COL8A1: variants seen among roughly 807,000 people sequenced by gnomAD.
COL8A1 encodes collagen alpha-1(VIII) chain.
Under a neutral mutation model 42.7 loss-of-function variants are expected in COL8A1, and 21 were observed. The ratio of observed to expected loss-of-function variants is 0.49; its 90% CI spans 0.35 to 0.71. COL8A1 has a LOEUF of 0.71. Among genes scored for constraint, COL8A1 ranks in the 30% least tolerant of loss-of-function variants. The pLI, the probability that COL8A1 is intolerant of heterozygous loss-of-function variation, is 0.01. For synonymous variants in COL8A1, 367 were observed against 369.1 expected, an observed-to-expected ratio of 0.99 and a Z score of 0.06; for missense variants, 788 against 962.4, an observed-to-expected ratio of 0.82 and a Z score of 2.40.
At chr3:99,721,599 A>G (rs1940158125) in intron 1 of COL8A1, among the ~76,000 whole-genome samples, 1 of 152,090 alleles carries the variant, frequency 6.6e-6, no homozygotes, top group Non-Finnish European at 1.5e-5. Context: ...GGCAGAAAAT[A>G]AAATGCTTAT....
rs540461183 is a variant in COL8A1 at position 99,708,332 on chromosome 3, A to C, written c.-128-36565A>C. On this transcript the variant is annotated intron_variant, in intron 1 of 3. Coordinates refer to ENST00000652472, the MANE Select transcript of COL8A1 (RefSeq NM_020351.4). Reference sequence around the variant, plus strand: ...ATGCCTCAAGACAGACTGTGGTCAGAGACATAACTCAGGGGGAGTGCCTGT... The same window carrying C: ...ATGCCTCAAGACAGACTGTGGTCAGCGACATAACTCAGGGGGAGTGCCTGT... Among the ~76,000 whole-genome samples, 144 of 152,290 alleles carry C rather than the reference A, an allele frequency of 9.5e-4. 2 individuals are homozygous for C. The highest frequency in any genetic ancestry group is 1.0e-3 in the South Asian group (5 of 4,816).
intron 2 of COL8A1, among the ~76,000 whole-genome samples, chr3:99,766,950 G>A (rs564416307): frequency 2.0e-5 from 3 of 147,820 alleles, no homozygotes; most frequent in Non-Finnish European, 3.0e-5. Flanking sequence ...ACTCTGTCTT[G>A]AAAAAAAAAA....
rs536793604 is a variant in COL8A1 at position 99,676,958 on chromosome 3, C to G, written c.-129+38294C>G. 2.0e-5 allele frequency among the ~76,000 whole-genome samples: 3 copies of G among 152,074 alleles called. No homozygotes were observed. In the East Asian group the frequency reaches 5.8e-4, roughly 29 times the overall value. On this transcript the variant is annotated intron_variant, in intron 1 of 3. Transcript: ENST00000652472. ...TTATGCTGGGTGCAGTGGCTTACAC[C>G]TGTAATGCCACCACTTTGGGAGGCC...
At chr3:99,782,659 T>G (rs1272814889) in intron 2 of COL8A1, among the ~76,000 whole-genome samples, 1 of 152,194 alleles carries the variant, frequency 6.6e-6, no homozygotes, top group Non-Finnish European at 1.5e-5. Context: ...CTCAAAGTGC[T>G]AGGATTACCA....
chr3:99,790,795 C>T lies in COL8A1; in HGVS notation c.113C>T (p.Pro38Leu), dbSNP rs1266270251. The T allele has an allele frequency of 1.2e-6, 2 of 1,614,210 alleles. No homozygotes were observed. Among genetic ancestry groups the T allele is most frequent in the Admixed American group, 3.3e-5 (2 of 60,030 alleles). ...GAYYGIKPLP[P>L]QIPPQMPPQI... is the part of the protein sequence containing the mutation. Reference sequence around the variant, plus strand: ...TACTATGGGATCAAGCCGCTGCCACCTCAAATTCCTCCTCAGATGCCACCA... The same window carrying T: ...TACTATGGGATCAAGCCGCTGCCACTTCAAATTCCTCCTCAGATGCCACCA... The change falls in exon 3 of 4, where the codon CCT becomes CTT. Residue 38 changes from proline to leucine, a missense_variant. Physicochemically the swap from Pro to Leu is moderately conservative, Grantham distance 98. This residue lies in a region of COL8A1 where 421 missense variants were observed against 553.1 expected (regional missense o/e 0.76). Transcript: ENST00000652472.
chr3:99,642,883 T>C (rs1357083507), intron 1 of COL8A1, among the ~76,000 whole-genome samples: 1 of 152,196 alleles, frequency 6.6e-6, no homozygotes, highest in African/African-American at 2.4e-5. Context: ...AAGAAAGTAA[T>C]TTAAAATTGC....
intron 2 of COL8A1, among the ~76,000 whole-genome samples, chr3:99,755,591 A>G (rs1168202407): frequency 1.3e-5 from 2 of 152,248 alleles, no homozygotes; most frequent in Non-Finnish European, 2.9e-5. Flanking sequence ...GGAAAGGGAT[A>G]GAGAATGATA....
chr3:99,656,031 G>T (rs1163324423), intron 1 of COL8A1, among the ~76,000 whole-genome samples: 2 of 152,200 alleles, frequency 1.3e-5, no homozygotes, highest in Non-Finnish European at 2.9e-5. Flanking sequence ...ATCTTTAAAA[G>T]AATCACTGAA....
intron 1 of COL8A1, among the ~76,000 whole-genome samples, chr3:99,702,520 T>C (rs139230696): frequency 6.6e-6 from 1 of 152,342 alleles, no homozygotes; most frequent in African/African-American, 2.4e-5. Context: ...TAAATCAACA[T>C]GTTTTTGACT....
At position 99,707,670 on chromosome 3, in the gene COL8A1, C is replaced by CG. The variant is rs1375942756; in HGVS notation, c.-128-37227_-128-37226insG. On this transcript the variant is annotated intron_variant, in intron 1 of 3. Transcript: ENST00000652472. ...GGCCCACGCCCTGCCGAACTTGGGG[C>CG]ACTTCCAGAGACAAAACTGCAGAAA... Among the ~76,000 whole-genome samples, 4 of 152,106 alleles carry CG rather than the reference C, an allele frequency of 2.6e-5. No homozygotes were observed. The East Asian group carries it at 7.7e-4, about 29-fold the overall frequency.
intron 2 of COL8A1, 76 bp from the exon 3 acceptor site, chr3:99,790,604 A>T (rs1264003647): frequency 6.6e-6 from 8 of 1,203,484 alleles, no homozygotes; most frequent in Admixed American, 2.4e-5. Flanking sequence ...TTTTTTCCCC[A>T]TTCTATCTCT....
chr3:99,741,820 G>GTGTATGAAC (rs1384138985), intron 1 of COL8A1, among the ~76,000 whole-genome samples: 14 of 152,200 alleles, frequency 9.2e-5, no homozygotes, highest in Non-Finnish European at 1.3e-4. Flanking sequence ...CTGCTCCACT[G>GTGTATGAAC]TGCTCAATTG....
chr3:99,721,923 T>A (rs1430930928), intron 1 of COL8A1, among the ~76,000 whole-genome samples: 2 of 151,900 alleles, frequency 1.3e-5, no homozygotes, highest in Non-Finnish European at 2.9e-5. Context: ...CTAACTGTGA[T>A]GTGCCCTTTT....
intron 1 of COL8A1, among the ~76,000 whole-genome samples, chr3:99,658,950 A>G (rs1015718795): frequency 6.6e-6 from 1 of 152,158 alleles, no homozygotes; most frequent in African/African-American, 2.4e-5. Flanking sequence ...CCACATCCCC[A>G]CTAGCTCTAC....
In COL8A1 at chr3:99,790,609, A is replaced by C. The variant is rs1339349899; in HGVS notation, c.-3-71A>C. ...TGTTTCCCTTTTTTTTCCCCATTCT[A>C]TCTCTAAATAAACTCAAGTCACTTG... On this transcript the variant is annotated intron_variant, in intron 2 of 3. Transcript: ENST00000652472. 4.0e-6 allele frequency: 5 copies of C among 1,257,224 alleles called. No individual in the cohort carries two copies. The Admixed American group carries it at 8.9e-5, about 22-fold the overall frequency. The allele number at this position is 1,257,224 out of a possible 1,614,324, so 77.9% of individuals were successfully genotyped here.
intron 1 of COL8A1, among the ~76,000 whole-genome samples, chr3:99,660,021 T>C (rs1004607464): frequency 2.0e-5 from 3 of 152,234 alleles, no homozygotes; most frequent in Non-Finnish European, 4.4e-5. Context: ...GCCAATAAAC[T>C]AGAAAAACTG....
chr3:99,654,199 G>A (rs996166375), intron 1 of COL8A1, among the ~76,000 whole-genome samples: 5 of 152,140 alleles, frequency 3.3e-5, no homozygotes, highest in African/African-American at 1.2e-4. Flanking sequence ...TCTTCCGCCT[G>A]CTTTATTCTA....
intron 2 of COL8A1, among the ~76,000 whole-genome samples, chr3:99,779,239 A>G (rs928899381): frequency 4.4e-4 from 67 of 152,210 alleles, no homozygotes; most frequent in Non-Finnish European, 1.6e-4. Context: ...TAAGGAATGA[A>G]TTTTTTAGAC....
chr3:99,741,772 C>A (rs1253414381), intron 1 of COL8A1, among the ~76,000 whole-genome samples: 1 of 152,188 alleles, frequency 6.6e-6, no homozygotes, highest in African/African-American at 2.4e-5. Flanking sequence ...GTCAGCCTCA[C>A]GGCCTTTTGT....
Sources: allele counts gnomAD v4.1 joint callset (sites outside exome capture counted in the v4.1 genomes callset), GRCh38; gene constraint gnomAD v4.1.1; regional missense constraint gnomAD v4.1.1; transcripts MANE v1.5; gene names NCBI Gene and HGNC (gene_info 2026-07-23, HGNC 2026-07-21).